The following MIB2 variants were observed in gnomAD, a reference collection of about 807,000 sequenced individuals.
The protein encoded by MIB2 is MIB E3 ubiquitin protein ligase 2.
A neutral mutation model predicts 96.6 loss-of-function variants in MIB2; 78 were observed. The ratio of observed to expected loss-of-function variants is 0.81; its 90% confidence interval spans 0.67 to 0.97. MIB2 has a LOEUF of 0.97. MIB2 is among the 50% of genes least tolerant of loss of function. The probability of loss-of-function intolerance (pLI) is 0.00; values close to 1 mark genes in which losing one functional copy is unlikely to be tolerated. For synonymous variants in MIB2, 820 were observed against 629.5 expected, an observed-to-expected ratio of 1.30 and a Z score of -4.53; for missense variants, 1,543 against 1,424.0, an observed-to-expected ratio of 1.08 and a Z score of -1.35.
In MIB2 at chr1:1,629,289, C is replaced by T; in HGVS notation, c.2359C>T (p.Gln787Ter). Residue 787 changes from glutamine (Q) to a stop codon, truncating the protein, a stop_gained, in exon 17 of 20, where the codon CAG becomes TAG. Coordinates refer to ENST00000355826, the MANE Select transcript of MIB2 (RefSeq NM_001170687.4). LOFTEE classifies it high-confidence loss of function. ...AAEGRVLKAL[Q>*]GCAQRFRERQ... ...CGAGGGTCGCGTGCTCAAGGCCCTT[C>T]AGGGCTGCGCCCAGCGCTTCCGGTG... 1 of 1,517,638 alleles carries T rather than the reference C, an allele frequency of 6.6e-7. No individual in the cohort carries two copies. Among genetic ancestry groups the T allele is most frequent in the Non-Finnish European group, 8.7e-7 (1 of 1,147,782 alleles). 94.0% of individuals were successfully genotyped at this position (1,517,638 alleles called of 1,614,324 possible).
rs755234525 is a variant in MIB2 at position 1,627,292 on chromosome 1, G to A, written c.1375-4G>A. 4.3e-6 allele frequency: 7 copies of A among 1,613,228 alleles called. No individual in the cohort carries two copies. In the East Asian group the frequency reaches 1.1e-4, roughly 26 times the overall value. ...AGGGACTCACCTGCTGGCACTCTTGGCAGGTGGACACCAAGAACCAAGGCA... is the reference window on the plus strand; with the variant it reads ...AGGGACTCACCTGCTGGCACTCTTGACAGGTGGACACCAAGAACCAAGGCA... On this transcript the variant is annotated splice_polypyrimidine_tract_variant and splice_region_variant and intron_variant, in intron 11 of 19. Transcript: ENST00000355826.
rs750239219 is a variant in MIB2 at position 1,626,996 on chromosome 1, A to G, written c.1237A>G (p.Lys413Glu). ...LDVAERARENKSSLSVALDKL... is the reference protein window; with the variant it reads ...LDVAERARENESSLSVALDKL... ...CGTGGCCGAGCGCGCCCGGGAGAAC[A>G]AAAGTGCGGCACAGCTCAGGCGGCC... The change falls in exon 10 of 20, where the codon AAA (lysine) becomes GAA (glutamate). Residue 413 changes from lysine to glutamate, a missense_variant. Physicochemically the swap from Lys to Glu is moderately conservative, Grantham distance 56. Transcript: ENST00000355826. The surrounding 1 kb of genome is among the most constrained non-coding windows in gnomAD (Gnocchi z 5.3). 1 of 1,611,210 alleles carries G rather than the reference A, an allele frequency of 6.2e-7. No individual in the cohort carries two copies. Among genetic ancestry groups the G allele is most frequent in the East Asian group, 2.2e-5 (1 of 44,812 alleles).
intron 2 of MIB2, chr1:1,619,060 A>C (rs1049175080): frequency 2.6e-5 from 4 of 152,468 alleles, no homozygotes; most frequent in Non-Finnish European, 5.9e-5. Context: ...GGAGCTGAGG[A>C]GAAAGGCGGC....
Position 1,628,691 on chromosome 1 carries a change from G to A in MIB2, c.2171G>A (p.Gly724Glu), listed in dbSNP as rs1301503583. The A allele has an allele frequency of 6.4e-7, 1 of 1,566,720 alleles. No individual in the cohort carries two copies. The highest frequency in any genetic ancestry group is 8.6e-7 in the Non-Finnish European group (1 of 1,157,798). ...CCCCTGGTGGCTGATGGGGCCGGGGGGGACCCAGGGCCCTTGCAGCTGCTG... is the reference window on the plus strand; with the variant it reads ...CCCCTGGTGGCTGATGGGGCCGGGGAGGACCCAGGGCCCTTGCAGCTGCTG... ...LLPLVADGAG[G>E]DPGPLQLLSR... is the part of the protein sequence containing the mutation. Residue 724 changes from glycine (G) to glutamate (E), a missense_variant, in exon 16 of 20, where the codon GGG becomes GAG. Coordinates refer to ENST00000355826, the MANE Select transcript of MIB2 (RefSeq NM_001170687.4).
chr1:1,627,534 T>G (rs1644913784), intron 12 of MIB2, 90 bp downstream of exon 12: 1 of 1,478,204 alleles, frequency 6.8e-7, no homozygotes, highest in African/African-American at 1.5e-5. Context: ...GGGCTGAGCC[T>G]GTGCGTCCTG....
At chr1:1,628,846 G>A (rs1645075499) in intron 16 of MIB2, 124 bp downstream of exon 16, 5 of 933,980 alleles carry the variant, frequency 5.4e-6, no homozygotes, top group African/African-American at 5.0e-5. Context: ...GGCGTTCTGG[G>A]GGTGGAGCAG....
rs752867702 is a variant in MIB2 at position 1,615,589 on chromosome 1, G to A, written c.-174G>A. 16 of 1,558,000 alleles carry A rather than the reference G, an allele frequency of 1.0e-5. No homozygotes were observed. The highest frequency in any genetic ancestry group is 1.3e-5 in the Non-Finnish European group (15 of 1,156,130). Reference sequence around the variant, plus strand: ...GGGAGCCCGAAGCCGTCCCCGAGTCGCTCCTAGGTCACTGGCGCGATGCGG... The same window carrying A: ...GGGAGCCCGAAGCCGTCCCCGAGTCACTCCTAGGTCACTGGCGCGATGCGG... On this transcript the variant is annotated 5_prime_UTR_variant, in exon 1 of 20. Transcript: ENST00000355826.
chr1:1,629,394 G>A lies in MIB2; in HGVS notation c.2391G>A (p.Gln797=). The part of the protein sequence containing the change: ...QGCAQRFRER[Q]AGGGAAPGPR... ...CCTCCTCCCCCTGCAGGGAGCGGCA[G>A]GCGGGCGGGGGCGCGGCCCCGGGCC... Residue 797 remains glutamine (Q), a synonymous_variant, in exon 18 of 20, where the codon CAG becomes CAA. Transcript: ENST00000355826. 6.9e-7 allele frequency: 1 copy of A among 1,439,586 alleles called. No homozygotes were observed. The highest frequency in any genetic ancestry group is 9.0e-7 in the Non-Finnish European group (1 of 1,109,172). 89.2% of individuals were successfully genotyped at this position (1,439,586 alleles called of 1,614,324 possible).
intron 16 of MIB2, 46 bp from the exon 17 acceptor site, chr1:1,629,087 G>C: frequency 1.4e-6 from 2 of 1,400,974 alleles, no homozygotes; most frequent in South Asian, 1.6e-5. Flanking sequence ...CCTCCCTCGG[G>C]CCTGCCCCGG....
rs1644716403 is a variant in MIB2, at chr1:1,625,913, C to G, written c.972+260C>G. The stretch of plus-strand genomic sequence containing the variant: ...TAGGGCCTCCCTCTGTTCCAGGACA[C>G]CAGGAAGGCAGGACAGCTTCGTGGG... On this transcript the variant is annotated intron_variant, in intron 8 of 19. Coordinates refer to ENST00000355826, the MANE Select transcript of MIB2 (RefSeq NM_001170687.4). This position sits in a 1 kb window ranked among gnomAD's most constrained non-coding sequence, Gnocchi z 5.0. The G allele has an allele frequency of 3.7e-6, 2 of 543,762 alleles. No homozygotes were observed. Among genetic ancestry groups the G allele is most frequent in the African/African-American group, 3.8e-5 (2 of 52,580 alleles). The allele number at this position is 543,762 out of a possible 1,614,324, so 33.7% of individuals were successfully genotyped here.
At chr1:1,616,848 G>C in intron 2 of MIB2, 1 of 458,654 alleles carries the variant, frequency 2.2e-6, no homozygotes, top group South Asian at 2.6e-5. Flanking sequence ...AGCGGCCGCA[G>C]CGCAGGAGCG....
chr1:1,614,542 G>C (rs978539492), upstream of MIB2: 2 of 152,220 alleles, frequency 1.3e-5, no homozygotes, highest in African/African-American at 2.4e-5. Flanking sequence ...GTCATGGCAC[G>C]AACAGCCTAG....
intron 2 of MIB2, among the ~76,000 whole-genome samples, chr1:1,622,250 G>A (rs1644326410): frequency 6.6e-6 from 1 of 152,244 alleles, no homozygotes; most frequent in Non-Finnish European, 1.5e-5. Flanking sequence ...AATGAAAATT[G>A]AGTGGTGGCC....
In MIB2 at chr1:1,629,260, C is replaced by T. The variant is rs1200961269; in HGVS notation, c.2330C>T (p.Ala777Val). 5 of 1,544,056 alleles carry T rather than the reference C, an allele frequency of 3.2e-6. No homozygotes were observed. The highest frequency in any genetic ancestry group is 1.2e-5 in the South Asian group (1 of 83,914). The change falls in exon 17 of 20, where the codon GCC (alanine) becomes GTC (valine). Residue 777 changes from alanine to valine, a missense_variant. Ala to Val is a moderately conservative substitution (Grantham distance 64, BLOSUM62 0). Coordinates refer to ENST00000355826, the MANE Select transcript of MIB2 (RefSeq NM_001170687.4). ...CGCGGTCGGAGCCCGCTGGACCTGG[C>T]CGCCGAGGGTCGCGTGCTCAAGGCC... ...NHRGRSPLDL[A>V]AEGRVLKALQ...
chr1:1,623,064 C>A, intron 2 of MIB2: 2 of 384,362 alleles, frequency 5.2e-6, no homozygotes, highest in East Asian at 4.6e-5. Flanking sequence ...GCAGCTCTTA[C>A]TTTAGTGAAG....
At chr1:1,620,627 C>T (rs575263094) in intron 2 of MIB2, among the ~76,000 whole-genome samples, 9 of 152,360 alleles carry the variant, frequency 5.9e-5, no homozygotes, top group Admixed American at 2.6e-4. Context: ...ACTGCTGCGT[C>T]GGCCTCCCCG....
intron 2 of MIB2, among the ~76,000 whole-genome samples, chr1:1,622,101 G>C (rs940437526): frequency 3.3e-5 from 5 of 152,146 alleles, no homozygotes; most frequent in Non-Finnish European, 7.4e-5. Flanking sequence ...GGAGTTGGCA[G>C]GGCCCCCTCC....
chr1:1,626,179 C>T lies in MIB2; in HGVS notation c.973-471C>T, dbSNP rs541996971. Reference sequence around the variant, plus strand: ...AGAGCTCAGCTCTGGATCTGGGGTCCTGGATACCAGGCACCTTTGAGGAGG... The same window carrying T: ...AGAGCTCAGCTCTGGATCTGGGGTCTTGGATACCAGGCACCTTTGAGGAGG... On this transcript the variant is annotated intron_variant, in intron 8 of 19. Transcript: ENST00000355826. This position sits in a 1 kb window ranked among gnomAD's most constrained non-coding sequence, Gnocchi z 5.3. 9.7e-5 allele frequency: 19 copies of T among 195,640 alleles called. No homozygotes were observed. The highest frequency in any genetic ancestry group is 9.6e-4 in the South Asian group (8 of 8,324). The allele number at this position is 195,640 out of a possible 1,614,324, so 12.1% of individuals were successfully genotyped here. A position where few individuals can be genotyped will look rare whatever the true frequency, so the allele number is the denominator to read the frequency against.
At position 1,625,159 on chromosome 1, in the gene MIB2, A is replaced by G; in HGVS notation, c.695A>G (p.Tyr232Cys). 1 of 1,611,976 alleles carries G rather than the reference A, an allele frequency of 6.2e-7. No homozygotes were observed. The highest frequency in any genetic ancestry group is 2.2e-5 in the East Asian group (1 of 44,852). ...GTGGGCGAGGCAGCGGGCGGCTTCT[A>G]CTACAAGGACCACCTCCCAAGGCTC... ...KCVGEAAGGF[Y>C]YKDHLPRLGK... The change falls in exon 6 of 20, where the codon TAC (tyrosine) becomes TGC (cysteine). Residue 232 changes from tyrosine (Y) to cysteine (C), a missense_variant. By Grantham distance (194) the Tyr-to-Cys change is radical (BLOSUM62 -2). Transcript: ENST00000355826. The surrounding 1 kb of genome is among the most constrained non-coding windows in gnomAD (Gnocchi z 5.0).
Sources: gnomAD v4.1 joint callset for allele counts (sites outside exome capture counted in the v4.1 genomes callset) on GRCh38, gnomAD v4.1.1 for gene constraint, Gnocchi (gnomAD v3.1) non-coding constraint, MANE v1.5 for transcripts, NCBI Gene and HGNC (gene_info 2026-07-23, HGNC 2026-07-21) for gene names.